PRDM15: variants seen among roughly 807,000 people sequenced by gnomAD.
PRDM15 encodes the protein PR domain zinc finger protein 15.
A neutral mutation model predicts 128.6 loss-of-function variants in PRDM15; 64 were observed. The observed-to-expected ratio is 0.50, with a 90% CI of 0.41 to 0.61. The LOEUF is 0.61. Among genes scored for constraint, PRDM15 ranks in the 20% least tolerant of loss-of-function variants. The probability of loss-of-function intolerance (pLI) is 0.00; values close to 1 mark genes in which losing one functional copy is unlikely to be tolerated. For synonymous variants in PRDM15, 615 were observed against 621.8 expected (o/e 0.99, Z 0.16); for missense variants, 1,242 against 1,569.1 (o/e 0.79, Z 3.52).
intron 13 of PRDM15, among the ~76,000 whole-genome samples, chr21:41,825,151 CCTCCGAGG>C (rs1255818967): frequency 2.0e-5 from 3 of 152,248 alleles, no homozygotes; most frequent in Non-Finnish European, 4.4e-5. Context: ...AGTTCCTAGG[CCTCCGAGG>C]ACAGATGACA....
At position 41,879,116 on chromosome 21, in the gene PRDM15, G is replaced by A; in HGVS notation, c.-10+154C>T. 9.4e-7 allele frequency: 1 copy of A among 1,066,216 alleles called. No homozygotes were observed. The highest frequency in any genetic ancestry group is 1.2e-6 in the Non-Finnish European group (1 of 864,996). The allele number at this position is 1,066,216 out of a possible 1,614,324, so 66.0% of individuals were successfully genotyped here. ...AATGTAACAAAGAACAGTCGGCATGGCGGCTGGACCGGGGCGGCGCGCGGC... is the reference window on the plus strand; with the variant it reads ...AATGTAACAAAGAACAGTCGGCATGACGGCTGGACCGGGGCGGCGCGCGGC... On this transcript the variant is annotated intron_variant, in intron 1 of 23. Coordinates refer to ENST00000398548, the MANE Select transcript of PRDM15 (RefSeq NM_001040424.3). This position sits in a 1 kb window ranked among gnomAD's most constrained non-coding sequence, Gnocchi z 5.1.
chr21:41,830,122 C>A (rs2062631607), intron 11 of PRDM15, among the ~76,000 whole-genome samples: 1 of 151,076 alleles, frequency 6.6e-6, no homozygotes, highest in Admixed American at 6.6e-5. Context: ...ACACCACACA[C>A]AAAAATACAC....
At position 41,836,850 on chromosome 21, in the gene PRDM15, C is replaced by T. The variant is rs2062914071; in HGVS notation, c.1002-201G>A. 6.5e-6 allele frequency: 3 copies of T among 458,514 alleles called. No individual in the cohort carries two copies. In the South Asian group the frequency reaches 1.1e-4, roughly 16 times the overall value. The allele number at this position is 458,514 out of a possible 1,614,324, so 28.4% of individuals were successfully genotyped here. A position where few individuals can be genotyped will look rare whatever the true frequency, so the allele number is the denominator to read the frequency against. ...ACCTTGAATATATAATGACATTAGG[C>T]AGCTTTAGCTGCAACAGCCACACAC... On this transcript the variant is annotated intron_variant, in intron 8 of 23. Transcript: ENST00000398548.
Position 41,854,426 on chromosome 21 carries a change from C to A in PRDM15, c.538+140G>T. ...GCAGAAAGACAGACCCGACTCTCCACTCCTCCACTCTCCGCATCCCAGCAG... is the reference window on the plus strand; with the variant it reads ...GCAGAAAGACAGACCCGACTCTCCAATCCTCCACTCTCCGCATCCCAGCAG... On this transcript the variant is annotated intron_variant, in intron 5 of 23. Transcript: ENST00000398548. This position sits in a 1 kb window ranked among gnomAD's most constrained non-coding sequence, Gnocchi z 4.6. 1 of 1,090,250 alleles carries A rather than the reference C, an allele frequency of 9.2e-7. No homozygotes were observed. The highest frequency in any genetic ancestry group is 1.6e-5 in the South Asian group (1 of 63,306). 67.5% of individuals were successfully genotyped at this position (1,090,250 alleles called of 1,614,324 possible). A position where few individuals can be genotyped will look rare whatever the true frequency, so the allele number is the denominator to read the frequency against.
chr21:41,821,798 T>C lies in PRDM15; in HGVS notation c.1896+105A>G, dbSNP rs2062278300. The C allele has an allele frequency of 7.1e-7, 1 of 1,409,600 alleles. No homozygotes were observed. The highest frequency in any genetic ancestry group is 9.8e-7 in the Non-Finnish European group (1 of 1,017,886). 87.3% of individuals were successfully genotyped at this position (1,409,600 alleles called of 1,614,324 possible). A position where few individuals can be genotyped will look rare whatever the true frequency, so the allele number is the denominator to read the frequency against. Reference sequence around the variant, plus strand: ...GCCGGAGCCTTTGGGGAGGGAGGGCTGCTTCCGAGATGCATGAAGGTGCCT... The same window carrying C: ...GCCGGAGCCTTTGGGGAGGGAGGGCCGCTTCCGAGATGCATGAAGGTGCCT... On this transcript the variant is annotated intron_variant, in intron 15 of 23. Coordinates refer to ENST00000398548, the MANE Select transcript of PRDM15 (RefSeq NM_001040424.3). This position sits in a 1 kb window ranked among gnomAD's most constrained non-coding sequence, Gnocchi z 5.4.
In PRDM15 at chr21:41,836,643, G is replaced by A. The variant is rs1371391990; in HGVS notation, c.1008C>T (p.Thr336=). The A allele has an allele frequency of 6.3e-7, 1 of 1,596,808 alleles. No homozygotes were observed. The highest frequency in any genetic ancestry group is 8.6e-7 in the Non-Finnish European group (1 of 1,166,200). Residue 336 remains threonine (T), a synonymous_variant, in exon 9 of 24, where the codon ACC becomes ACT. Transcript: ENST00000398548. ...GCGTGATGGTGTTATTCTGATGATG[G>A]GTGAACCTGCCCAGGGACGTCAATA... ...TTDTSSVPKF[T]HHQNNTITLK... is the part of the protein sequence containing the mutation.
chr21:41,878,670 C>T, intron 1 of PRDM15: 1 of 1,483,878 alleles, frequency 6.7e-7, no homozygotes. Flanking sequence ...AAATAAGGCG[C>T]AGGGGGTCTG....
chr21:41,853,471 C>A (rs2093504048), intron 5 of PRDM15, among the ~76,000 whole-genome samples: 1 of 152,118 alleles, frequency 6.6e-6, no homozygotes, highest in Admixed American at 6.5e-5. Context: ...AACATTTGCT[C>A]CCCTGGGTAG....
intron 16 of PRDM15, 69 bp from the exon 17 acceptor site, chr21:41,820,243 C>T: frequency 8.2e-7 from 1 of 1,220,660 alleles, no homozygotes; most frequent in Middle Eastern, 1.9e-4. Context: ...GGCACTTTCC[C>T]CAGCACCTTC....
chr21:41,806,723 CCAT>C (rs2061685701), intron 21 of PRDM15, among the ~76,000 whole-genome samples: 5 of 133,238 alleles, frequency 3.8e-5, no homozygotes, highest in African/African-American at 1.2e-4. Context: ...AACATCACCA[CCAT>C]CACCATCACC....
chr21:41,822,066 T>C, intron 14 of PRDM15, 29 bp from the exon 15 acceptor site: 1 of 1,612,764 alleles, frequency 6.2e-7, no homozygotes, highest in East Asian at 2.2e-5. Context: ...TTCCGGTTTC[T>C]AACAGCGCAG....
intron 5 of PRDM15, among the ~76,000 whole-genome samples, chr21:41,850,884 C>T (rs543774854): frequency 1.8e-4 from 27 of 152,318 alleles, no homozygotes; most frequent in African/African-American, 6.3e-4. Flanking sequence ...CACTGATCTG[C>T]AAAACTGACT....
At chr21:41,871,424 G>C in intron 1 of PRDM15, 1 of 1,286,392 alleles carries the variant, frequency 7.8e-7, no homozygotes, top group Admixed American at 2.5e-5. Flanking sequence ...AGCAGCAGCT[G>C]CCATTGTTAA....
chr21:41,820,213 C>G (rs375735630), intron 16 of PRDM15, 39 bp from the exon 17 acceptor site: 1 of 1,552,480 alleles, frequency 6.4e-7, no homozygotes, highest in Non-Finnish European at 8.9e-7. Flanking sequence ...CGCACAGCCT[C>G]GGGGCTCCAC....
At chr21:41,819,823 G>A in intron 17 of PRDM15, 122 bp from the exon 18 acceptor site, 1 of 1,321,462 alleles carries the variant, frequency 7.6e-7, no homozygotes, top group South Asian at 1.4e-5. Context: ...TAACAGGGGT[G>A]GGGTCGCCTC....
At chr21:41,809,562 T>C (rs1004111049) in intron 21 of PRDM15, among the ~76,000 whole-genome samples, 1 of 152,156 alleles carries the variant, frequency 6.6e-6, no homozygotes, top group Non-Finnish European at 1.5e-5. Context: ...GGCCTGTATT[T>C]GTTCTGAGTG....
chr21:41,874,821 G>A (rs998960383), intron 1 of PRDM15: 6 of 152,148 alleles, frequency 3.9e-5, no homozygotes, highest in Non-Finnish European at 4.4e-5. Context: ...CGGTCAAACG[G>A]AGCCAGTAAC....
chr21:41,867,532 C>T (rs866279485), intron 1 of PRDM15, among the ~76,000 whole-genome samples: 1 of 152,222 alleles, frequency 6.6e-6, no homozygotes, highest in African/African-American at 2.4e-5. Context: ...CAGCCTCAAA[C>T]TCCTGGGCAC....
chr21:41,806,430 C>T (rs1396935060), intron 21 of PRDM15, among the ~76,000 whole-genome samples: 3 of 61,936 alleles, frequency 4.8e-5, no homozygotes, highest in Non-Finnish European at 6.8e-5. Flanking sequence ...ACCACCATCA[C>T]CACCACCACC....
Sources: gnomAD v4.1 joint callset for allele counts (sites outside exome capture counted in the v4.1 genomes callset) on GRCh38, gnomAD v4.1.1 for gene constraint, Gnocchi (gnomAD v3.1) non-coding constraint, MANE v1.5 for transcripts, NCBI Gene and HGNC (gene_info 2026-07-23, HGNC 2026-07-21) for gene names.